The following DCDC2C variants were observed in gnomAD, a reference collection of about 807,000 sequenced individuals.
DCDC2C encodes the protein doublecortin domain-containing protein 2C.
DCDC2C carries 44 observed loss-of-function variants against 45.0 expected under a neutral mutation model. That is an observed-to-expected ratio of 0.98 (90% confidence interval 0.77 to 1.26). The LOEUF (loss-of-function observed/expected upper bound fraction) is 1.26. Among genes scored for constraint, DCDC2C ranks in the 50% most tolerant of loss-of-function variants. The probability of loss-of-function intolerance (pLI) is 0.00; values close to 1 mark genes in which losing one functional copy is unlikely to be tolerated. For missense variants in DCDC2C, 447 were observed against 468.9 expected, an observed-to-expected ratio of 0.95 and a Z score of 0.43; for synonymous variants, 187 against 178.8, an observed-to-expected ratio of 1.05 and a Z score of -0.37.
chr2:3,842,499 G>C (rs2123884), intron 10 of DCDC2C, among the ~76,000 whole-genome samples: 39,338 of 151,854 alleles, frequency 0.26, 5,415 homozygotes, highest in East Asian at 0.41. Context: ...GTGCATTGGG[G>C]GAGTGCAACT....
At chr2:3,753,213 C>T (rs910319614) in intron 5 of DCDC2C, among the ~76,000 whole-genome samples, 2 of 152,216 alleles carry the variant, frequency 1.3e-5, no homozygotes, top group South Asian at 4.1e-4. Context: ...ACAGTTATGC[C>T]TGCCTGTGAT....
chr2:3,710,896 A>G (rs2148045243), intron 2 of DCDC2C, among the ~76,000 whole-genome samples: 1 of 152,294 alleles, frequency 6.6e-6, no homozygotes, highest in South Asian at 2.1e-4. Flanking sequence ...ACTTTGCTAT[A>G]CCGAATAGTG....
intron 10 of DCDC2C, among the ~76,000 whole-genome samples, chr2:3,806,862 T>C (rs1162268937): frequency 3.9e-5 from 6 of 152,122 alleles, no homozygotes; most frequent in Non-Finnish European, 5.9e-5. Context: ...TTGAGTTTCT[T>C]TGTTGCTCGT....
intron 2 of DCDC2C, among the ~76,000 whole-genome samples, chr2:3,714,500 C>T (rs1051929263): frequency 8.5e-5 from 13 of 152,072 alleles, no homozygotes; most frequent in African/African-American, 3.1e-4. Context: ...TTTTTTCCCC[C>T]CATGAAGGAT....
At chr2:3,707,790 C>G (rs1055749028) in intron 1 of DCDC2C, among the ~76,000 whole-genome samples, 1 of 152,204 alleles carries the variant, frequency 6.6e-6, no homozygotes, top group East Asian at 1.9e-4. Flanking sequence ...GATCTGCATC[C>G]GTGACTCTTT....
At chr2:3,791,959 C>T (rs1670824208) in intron 10 of DCDC2C, among the ~76,000 whole-genome samples, 1 of 151,520 alleles carries the variant, frequency 6.6e-6, no homozygotes, top group African/African-American at 2.4e-5. Context: ...CCCAATTCCT[C>T]AGTAGCCTTT....
chr2:3,754,148 A>G (rs1426234744), intron 5 of DCDC2C, among the ~76,000 whole-genome samples: 1 of 152,214 alleles, frequency 6.6e-6, no homozygotes, highest in Non-Finnish European at 1.5e-5. Flanking sequence ...TTTAGGGTCA[A>G]CAGGAGGCCA....
intron 10 of DCDC2C, among the ~76,000 whole-genome samples, chr2:3,799,368 C>T (rs1258218148): frequency 2.0e-5 from 3 of 152,152 alleles, no homozygotes; most frequent in South Asian, 2.1e-4. Context: ...TCTCTCAGCT[C>T]GTCAAAGTCA....
chr2:3,821,290 G>T (rs1398049640), intron 10 of DCDC2C, among the ~76,000 whole-genome samples: 1 of 152,202 alleles, frequency 6.6e-6, no homozygotes, highest in African/African-American at 2.4e-5. Context: ...GGATGTATAT[G>T]TGCAGGTCAC....
At chr2:3,840,360 G>A (rs1286687583) in intron 10 of DCDC2C, among the ~76,000 whole-genome samples, 1 of 152,186 alleles carries the variant, frequency 6.6e-6, no homozygotes, top group African/African-American at 2.4e-5. Flanking sequence ...CTCGCTGCCC[G>A]CTGTGAACTC....
intron 3 of DCDC2C, among the ~76,000 whole-genome samples, chr2:3,730,439 ACTGTTACTG>A (rs1668832928): frequency 1.3e-5 from 2 of 152,180 alleles, no homozygotes; most frequent in South Asian, 4.1e-4. Context: ...TACAGTTACT[ACTGTTACTG>A]CTTGAGACCA....
chr2:3,745,565 A>T (rs181236936), intron 4 of DCDC2C, among the ~76,000 whole-genome samples: 28 of 152,336 alleles, frequency 1.8e-4, no homozygotes, highest in African/African-American at 6.5e-4. Context: ...AAAAAAAATC[A>T]ATGTGTGTGT....
chr2:3,842,264 T>C (rs1672231602), intron 10 of DCDC2C, among the ~76,000 whole-genome samples: 1 of 151,926 alleles, frequency 6.6e-6, no homozygotes, highest in South Asian at 2.1e-4. Flanking sequence ...GAGATAAGTG[T>C]TAAAATAGAG....
rs1048561211 is a variant in DCDC2C, at chr2:3,769,162, G to A, written c.854-149G>A. 17 of 651,160 alleles carry A rather than the reference G, an allele frequency of 2.6e-5. No homozygotes were observed. In the East Asian group the frequency reaches 4.7e-4, roughly 18 times the overall value. The allele number at this position is 651,160 out of a possible 1,614,324, so 40.3% of individuals were successfully genotyped here. A position where few individuals can be genotyped will look rare whatever the true frequency, so the allele number is the denominator to read the frequency against. On this transcript the variant is annotated intron_variant, in intron 7 of 10. Transcript: ENST00000399143. ...GAAGGGCGAGAGGGAAACGGGGTGA[G>A]GCGGACGGGGTTTGGGACTGCAGAC...
At chr2:3,711,716 T>G (rs1433251799) in intron 2 of DCDC2C, among the ~76,000 whole-genome samples, 1 of 149,964 alleles carries the variant, frequency 6.7e-6, no homozygotes, top group African/African-American at 2.5e-5. Flanking sequence ...TTTTAAACAG[T>G]GATGTAATGT....
At chr2:3,755,261 G>C (rs375543718) in intron 6 of DCDC2C, among the ~76,000 whole-genome samples, 1 of 152,086 alleles carries the variant, frequency 6.6e-6, no homozygotes, top group African/African-American at 2.4e-5. Flanking sequence ...ATGGGTACAC[G>C]TGTGTACATG....
At chr2:3,807,617 C>T (rs964527087) in intron 10 of DCDC2C, among the ~76,000 whole-genome samples, 5 of 151,948 alleles carry the variant, frequency 3.3e-5, no homozygotes, top group African/African-American at 4.8e-5. Context: ...GCATCCTTCT[C>T]GGTGTCCAGT....
At chr2:3,790,582 G>A (rs1406138834) in intron 10 of DCDC2C, among the ~76,000 whole-genome samples, 1 of 152,064 alleles carries the variant, frequency 6.6e-6, no homozygotes, top group Non-Finnish European at 1.5e-5. Flanking sequence ...AAATGACAAT[G>A]GCATTGATTC....
chr2:3,840,965 G>A (rs897291347), intron 10 of DCDC2C, among the ~76,000 whole-genome samples: 2 of 152,224 alleles, frequency 1.3e-5, no homozygotes, highest in Non-Finnish European at 2.9e-5. Flanking sequence ...TATGCATGGA[G>A]CCTTCTAAAC....
Sources: gnomAD v4.1 joint callset for allele counts (sites outside exome capture counted in the v4.1 genomes callset) on GRCh38, gnomAD v4.1.1 for gene constraint, MANE v1.5 for transcripts, NCBI Gene and HGNC (gene_info 2026-07-23, HGNC 2026-07-21) for gene names.